The following LCLAT1 variants were observed in gnomAD, a reference collection of about 807,000 sequenced individuals.
LCLAT1 encodes the protein lysocardiolipin acyltransferase 1.
LCLAT1 carries 11 observed loss-of-function variants against 30.7 expected under a neutral mutation model. That is an observed-to-expected ratio of 0.36 (90% CI 0.23 to 0.59). LCLAT1 has a LOEUF of 0.59. LCLAT1 is among the 20% of genes least tolerant of loss of function. The pLI, the probability that LCLAT1 is intolerant of heterozygous loss-of-function variation, is 0.77. For missense variants in LCLAT1, 402 were observed against 458.6 expected (o/e 0.88, Z 1.13); for synonymous variants, 155 against 151.3 (o/e 1.02, Z -0.18).
chr2:30,634,781 A>G (rs978646486), intron 5 of LCLAT1, among the ~76,000 whole-genome samples: 1 of 152,218 alleles, frequency 6.6e-6, no homozygotes, highest in Non-Finnish European at 1.5e-5. Flanking sequence ...TACAGATTAC[A>G]GTATTTTAGC....
chr2:30,612,088 G>C (rs1349556835), intron 5 of LCLAT1, among the ~76,000 whole-genome samples: 1 of 152,126 alleles, frequency 6.6e-6, no homozygotes, highest in Non-Finnish European at 1.5e-5. Flanking sequence ...TCTATTTAAA[G>C]ACACAGTCTT....
chr2:30,535,570 A>G (rs890026991), intron 3 of LCLAT1, among the ~76,000 whole-genome samples: 2 of 152,224 alleles, frequency 1.3e-5, no homozygotes, highest in African/African-American at 4.8e-5. Context: ...AGCTGAAGAA[A>G]TCATATGGAG....
chr2:30,534,784 G>A (rs1686161601), intron 3 of LCLAT1, among the ~76,000 whole-genome samples: 1 of 152,146 alleles, frequency 6.6e-6, no homozygotes, highest in South Asian at 2.1e-4. Flanking sequence ...ATTGGTGGAA[G>A]CAGTTACCAT....
rs568679497 is a variant in LCLAT1, at chr2:30,474,713, A to G, written c.-5+27330A>G. On this transcript the variant is annotated intron_variant, in intron 1 of 5. Transcript: ENST00000379509. ...ACCCAGGCTGGAGTGCAGTGGCACA[A>G]TCCCAGCTCACAGTAGCCTTGACCT... Among the ~76,000 whole-genome samples the G allele has an allele frequency of 1.3e-4, 19 of 151,944 alleles. No individual in the cohort carries two copies. The South Asian group carries it at 3.5e-3, about 28-fold the overall frequency.
chr2:30,600,787 C>G (rs1202910098), intron 5 of LCLAT1, among the ~76,000 whole-genome samples: 1 of 152,116 alleles, frequency 6.6e-6, no homozygotes, highest in Non-Finnish European at 1.5e-5. Context: ...CATGGAGTAT[C>G]TTACTGGGGT....
intron 1 of LCLAT1, among the ~76,000 whole-genome samples, chr2:30,456,967 A>G (rs900778872): frequency 6.6e-6 from 1 of 152,230 alleles, no homozygotes; most frequent in Admixed American, 6.5e-5. Context: ...ATTAGCCAGT[A>G]AGACACTGAA....
intron 5 of LCLAT1, among the ~76,000 whole-genome samples, chr2:30,581,565 G>A (rs111744591): frequency 0.025 from 3,864 of 151,920 alleles, 158 homozygotes; most frequent in African/African-American, 0.086. Flanking sequence ...ATACAATGGC[G>A]TTCTATTCAG....
rs774736553 is a variant in LCLAT1, at chr2:30,459,697, A to C, written c.-5+12314A>C. 3.1e-6 allele frequency: 5 copies of C among 1,613,708 alleles called. No homozygotes were observed. The African/African-American group carries it at 4.0e-5, about 13-fold the overall frequency. On this transcript the variant is annotated intron_variant, in intron 1 of 5. Coordinates refer to ENST00000379509, the MANE Select transcript of LCLAT1 (RefSeq NM_001002257.3). The stretch of plus-strand genomic sequence containing the variant: ...AGTTTCTAGCTACTGCACGTACTTC[A>C]TAAAGCAGGACTCTAAAAGCTTTGG...
chr2:30,560,292 G>GTGTA (rs1665142888), intron 3 of LCLAT1, among the ~76,000 whole-genome samples: 1 of 120,238 alleles, frequency 8.3e-6, no homozygotes, highest in Non-Finnish European at 1.6e-5. Context: ...TGGTGTGTGT[G>GTGTA]TGTGTGTGTG....
chr2:30,515,158 C>T (rs188467638), intron 1 of LCLAT1, among the ~76,000 whole-genome samples: 45 of 152,286 alleles, frequency 3.0e-4, no homozygotes, highest in Non-Finnish European at 6.3e-4. Context: ...AGTATTCTCT[C>T]CCCTCCCACA....
chr2:30,519,776 C>A (rs1237220663), intron 1 of LCLAT1, among the ~76,000 whole-genome samples: 1 of 152,144 alleles, frequency 6.6e-6, no homozygotes, highest in Admixed American at 6.5e-5. Context: ...ACCTTTGGGT[C>A]CCCTCCCGTT....
intron 1 of LCLAT1, among the ~76,000 whole-genome samples, chr2:30,492,570 C>T (rs1003433058): frequency 5.2e-5 from 6 of 115,242 alleles, no homozygotes; most frequent in African/African-American, 2.0e-4. Flanking sequence ...AGAGTTGGGG[C>T]AGAAAAAAAA....
chr2:30,628,511 CT>C (rs368801580), intron 5 of LCLAT1, among the ~76,000 whole-genome samples: 1 of 152,168 alleles, frequency 6.6e-6, no homozygotes, highest in African/African-American at 2.4e-5. Context: ...CAGAGGCACA[CT>C]TGCTTTACCA....
intron 5 of LCLAT1, among the ~76,000 whole-genome samples, chr2:30,629,113 G>T (rs1668646650): frequency 6.6e-6 from 1 of 152,182 alleles, no homozygotes; most frequent in African/African-American, 2.4e-5. Flanking sequence ...AAACTCAAGA[G>T]TGGCTATATG....
chr2:30,494,062 TA>T (rs2148331313), intron 1 of LCLAT1, among the ~76,000 whole-genome samples: 1 of 151,778 alleles, frequency 6.6e-6, no homozygotes, highest in African/African-American at 2.4e-5. Context: ...AATAGAAGAA[TA>T]AAAAAATAAT....
intron 4 of LCLAT1, among the ~76,000 whole-genome samples, chr2:30,565,897 G>T (rs186095729): frequency 1.3e-5 from 2 of 152,166 alleles, no homozygotes; most frequent in African/African-American, 4.8e-5. Flanking sequence ...GCAGAAAAGC[G>T]TGCAGCTGTA....
intron 2 of LCLAT1, among the ~76,000 whole-genome samples, chr2:30,527,904 A>G (rs575153212): frequency 5.9e-5 from 9 of 152,342 alleles, no homozygotes; most frequent in Non-Finnish European, 2.9e-5. Context: ...TAGTGGCTCC[A>G]ATACAGTAGA....
Position 30,533,110 on chromosome 2 carries a change from T to C in LCLAT1, c.166-6T>C. 6.2e-7 allele frequency: 1 copy of C among 1,604,392 alleles called. No homozygotes were observed. Among genetic ancestry groups the C allele is most frequent in the Non-Finnish European group, 8.5e-7 (1 of 1,171,032 alleles). ...AATTTGCTGTATATCTGTATTGTTT[T>C]CTTAGGCATTATTGGAGACCATGTT... On this transcript the variant is annotated splice_region_variant and splice_polypyrimidine_tract_variant and intron_variant, in intron 2 of 5. Coordinates refer to ENST00000379509, the MANE Select transcript of LCLAT1 (RefSeq NM_001002257.3).
intron 1 of LCLAT1, among the ~76,000 whole-genome samples, chr2:30,518,427 G>A (rs186074265): frequency 2.2e-3 from 342 of 152,274 alleles, no homozygotes; most frequent in African/African-American, 7.8e-3. Flanking sequence ...TCAAACGTGC[G>A]AGCTGTTTGC....
Sources: allele counts gnomAD v4.1 joint callset (sites outside exome capture counted in the v4.1 genomes callset), GRCh38; gene constraint gnomAD v4.1.1; transcripts MANE v1.5; gene names NCBI Gene and HGNC (gene_info 2026-07-23, HGNC 2026-07-21).